The following PEX2 variants were observed in gnomAD, a reference collection of about 807,000 sequenced individuals.
The protein encoded by PEX2 is peroxisome biogenesis factor 2.
PEX2 carries 19 observed loss-of-function variants against 25.2 expected under a neutral mutation model. That is an observed-to-expected ratio of 0.75 (90% CI 0.53 to 1.10). PEX2 has a LOEUF of 1.10. Among genes scored for constraint, PEX2 ranks in the 50% least tolerant of loss-of-function variants. The probability of loss-of-function intolerance (pLI) is 0.00; values close to 1 mark genes in which losing one functional copy is unlikely to be tolerated. For synonymous variants in PEX2, 141 were observed against 127.7 expected (o/e 1.10, Z -0.70); for missense variants, 347 against 350.6 (o/e 0.99, Z 0.08).
intron 2 of PEX2, among the ~76,000 whole-genome samples, chr8:76,987,639 G>A (rs1807044965): frequency 6.6e-6 from 1 of 152,176 alleles, no homozygotes; most frequent in Admixed American, 6.5e-5. Context: ...ATAGAGACGA[G>A]TTAACAGGTT....
intron 1 of PEX2, among the ~76,000 whole-genome samples, chr8:76,989,763 A>G (rs995214616): frequency 2.6e-5 from 4 of 152,210 alleles, no homozygotes; most frequent in African/African-American, 9.6e-5. Context: ...ATGTGCTGTC[A>G]TCCAGGCTTT....
At position 76,983,154 on chromosome 8, in the gene PEX2, A is replaced by G. The variant is rs948535396; in HGVS notation, c.*107T>C. On this transcript the variant is annotated 3_prime_UTR_variant, in exon 4 of 4. Transcript: ENST00000357039. ...GCCTGGAAAGGAGAAGACAGTGGCT[A>G]GGAGCACATTCCTTATAAAGGATAC... 11 of 1,587,136 alleles carry G rather than the reference A, an allele frequency of 6.9e-6. No homozygotes were observed. Among genetic ancestry groups the G allele is most frequent in the South Asian group, 1.1e-5 (1 of 88,932 alleles).
intron 1 of PEX2, among the ~76,000 whole-genome samples, chr8:76,991,478 G>T (rs1037230154): frequency 2.6e-5 from 4 of 152,032 alleles, no homozygotes; most frequent in Non-Finnish European, 5.9e-5. Flanking sequence ...TTATTAAACT[G>T]TTCTTCAGCC....
Position 76,983,060 on chromosome 8 carries a change from A to C in PEX2, c.*201T>G, listed in dbSNP as rs1806882855. The stretch of plus-strand genomic sequence containing the variant: ...AAAATTGAATGCAATGATTTAAAAA[A>C]CATAATACATTAACATTTACATAAT... On this transcript the variant is annotated 3_prime_UTR_variant, in exon 4 of 4. Coordinates refer to ENST00000357039, the MANE Select transcript of PEX2 (RefSeq NM_000318.3). The C allele has an allele frequency of 7.3e-7, 1 of 1,360,564 alleles. No individual in the cohort carries two copies. The highest frequency in any genetic ancestry group is 2.6e-5 in the East Asian group (1 of 38,962). 84.3% of individuals were successfully genotyped at this position (1,360,564 alleles called of 1,614,324 possible).
intron 1 of PEX2, among the ~76,000 whole-genome samples, chr8:76,991,274 G>T (rs1027346668): frequency 1.3e-5 from 2 of 152,126 alleles, no homozygotes; most frequent in African/African-American, 4.8e-5. Context: ...CAGAAAAGGA[G>T]ACCTAAAACG....
rs1458903705 is a variant in PEX2 at position 76,980,517 on chromosome 8, G to A, written c.*2744C>T. On this transcript the variant is annotated 3_prime_UTR_variant, in exon 4 of 4. Coordinates refer to ENST00000357039, the MANE Select transcript of PEX2 (RefSeq NM_000318.3). ...CTTTAGGTTCATGTGGTATATGGGA[G>A]GAGCATCACCTACATTTAAGTAACC... 4.6e-5 allele frequency: 7 copies of A among 152,196 alleles called. No homozygotes were observed. The highest frequency in any genetic ancestry group is 2.6e-4 in the Admixed American group (4 of 15,274). The allele number at this position is 152,196 out of a possible 1,614,324, so 9.4% of individuals were successfully genotyped here.
upstream of PEX2, chr8:77,000,280 TG>T: frequency 6.6e-6 from 2 of 303,646 alleles, no homozygotes; most frequent in South Asian, 5.3e-5. Context: ...GCGCGGTGAT[TG>T]GCCGGTTGGC....
At chr8:77,000,110 A>G (rs1044762392), upstream of PEX2, 5 of 374,364 alleles carry the variant, frequency 1.3e-5, no homozygotes, top group African/African-American at 4.3e-5. Flanking sequence ...AGGCTTCCGG[A>G]GCGACGCAGG....
rs1262126828 is a variant in PEX2 at position 76,983,814 on chromosome 8, T to A, written c.365A>T (p.Asp122Val). 6.2e-7 allele frequency: 1 copy of A among 1,614,150 alleles called. No homozygotes were observed. The highest frequency in any genetic ancestry group is 2.2e-5 in the East Asian group (1 of 44,876). The change falls in exon 4 of 4, where the codon GAT (aspartate) becomes GTT (valine). Residue 122 changes from aspartate to valine, a missense_variant. By Grantham distance (152) the Asp-to-Val change is radical (BLOSUM62 -3). Coordinates refer to ENST00000357039, the MANE Select transcript of PEX2 (RefSeq NM_000318.3). ...GGRWLEERCY[D>V]LFRNHHLASF... The stretch of plus-strand genomic sequence containing the variant: ...TGCTAAATGATGGTTTCGAAACAAA[T>A]CATAGCATCGTTCTTCTAACCACCT...
intron 1 of PEX2, among the ~76,000 whole-genome samples, chr8:76,995,640 T>A (rs1807302950): frequency 6.6e-6 from 1 of 152,218 alleles, no homozygotes; most frequent in Non-Finnish European, 1.5e-5. Flanking sequence ...ATACTTTTTT[T>A]AAACCTTAGA....
rs563342051 is a variant in PEX2, at chr8:76,988,991, C to A, written c.-159-653G>T. On this transcript the variant is annotated intron_variant, in intron 1 of 3. Transcript: ENST00000357039. ...GATTTCTGGGCAACACAGGGAGACA[C>A]TGTCTCTACAAAAACTAAAAAAAAA... Among the ~76,000 whole-genome samples the A allele has an allele frequency of 7.0e-4, 91 of 130,114 alleles. No homozygotes were observed. In the South Asian group the frequency reaches 0.023, roughly 33 times the overall value. 85.4% of individuals were successfully genotyped at this position (130,114 alleles called of 152,430 possible).
chr8:76,987,460 G>A (rs1200496328), intron 2 of PEX2, among the ~76,000 whole-genome samples: 1 of 152,166 alleles, frequency 6.6e-6, no homozygotes, highest in East Asian at 1.9e-4. Context: ...GCAGGAGACA[G>A]GTCCTAAAGG....
intron 1 of PEX2, among the ~76,000 whole-genome samples, chr8:76,992,361 T>A (rs1016964007): frequency 6.6e-6 from 1 of 152,150 alleles, no homozygotes; most frequent in Non-Finnish European, 1.5e-5. Context: ...GTACAGGCAG[T>A]CCAAGACAAG....
chr8:76,984,220 C>T, intron 3 of PEX2, 25 bp from the exon 4 acceptor site: 1 of 1,591,176 alleles, frequency 6.3e-7, no homozygotes, highest in East Asian at 2.2e-5. Context: ...AATTGAAGAA[C>T]ATTAGCAAAG....
At chr8:76,987,934 G>A (rs911558492) in intron 2 of PEX2, 1 of 152,140 alleles carries the variant, frequency 6.6e-6, no homozygotes, top group Non-Finnish European at 1.5e-5. Context: ...AAGTTCAGTA[G>A]GCAGTTATGT....
intron 3 of PEX2, among the ~76,000 whole-genome samples, chr8:76,985,343 G>A (rs1806973338): frequency 6.6e-6 from 1 of 152,118 alleles, no homozygotes; most frequent in African/African-American, 2.4e-5. Flanking sequence ...GTCAAAGGGT[G>A]CAAATTTTCA....
Position 76,989,185 on chromosome 8 carries a change from A to C in PEX2, c.-159-847T>G, listed in dbSNP as rs983433473. ...CAGAGCATGACCTTCGTTTCAAAAA[A>C]AAAAAAAGAGGGGAAGCAAGTCCTT... On this transcript the variant is annotated intron_variant, in intron 1 of 3. Transcript: ENST00000357039. 5.9e-5 allele frequency among the ~76,000 whole-genome samples: 9 copies of C among 152,034 alleles called. No individual in the cohort carries two copies. In the South Asian group the frequency reaches 6.2e-4, roughly 11 times the overall value.
At chr8:76,996,113 A>G (rs746776690) in intron 1 of PEX2, among the ~76,000 whole-genome samples, 4 of 152,192 alleles carry the variant, frequency 2.6e-5, no homozygotes, top group Non-Finnish European at 5.9e-5. Context: ...ATGGAGAGTA[A>G]CAGTAAACCA....
upstream of PEX2, chr8:77,000,350 G>C (rs1278562019): frequency 5.3e-6 from 1 of 188,386 alleles, no homozygotes; most frequent in East Asian, 1.9e-4. Context: ...CCCGGGTCAG[G>C]GGCCGCAAGT....
Sources: gnomAD v4.1 joint callset for allele counts (sites outside exome capture counted in the v4.1 genomes callset) on GRCh38, gnomAD v4.1.1 for gene constraint, MANE v1.5 for transcripts, NCBI Gene and HGNC (gene_info 2026-07-23, HGNC 2026-07-21) for gene names.